Variants in PARD3B observed in about 807,000 individuals in gnomAD.
PARD3B encodes the protein partitioning defective 3 homolog B.
Under a neutral mutation model 130.2 loss-of-function variants are expected in PARD3B, and 103 were observed. The observed-to-expected ratio is 0.79, with a 90% CI of 0.67 to 0.93. The LOEUF is 0.93. Among genes scored for constraint, PARD3B ranks in the 40% least tolerant of loss-of-function variants. The pLI, the probability that PARD3B is intolerant of heterozygous loss-of-function variation, is 0.00. For missense variants in PARD3B, 1,609 were observed against 1,499.2 expected (o/e 1.07, Z -1.21); for synonymous variants, 583 against 553.2 (o/e 1.05, Z -0.76).
intron 18 of PARD3B, among the ~76,000 whole-genome samples, chr2:205,357,660 G>GA (rs56313624): frequency 0.6 from 91,556 of 151,618 alleles, 30,831 homozygotes; most frequent in South Asian, 0.77. Flanking sequence ...AGTTTCATGA[G>GA]AAAAAAAATA....
chr2:205,474,218 T>G (rs1422478847), intron 20 of PARD3B, among the ~76,000 whole-genome samples: 1 of 152,066 alleles, frequency 6.6e-6, no homozygotes, highest in Middle Eastern at 3.2e-3. Context: ...CTCTGAGTAT[T>G]CTATATTAAA....
At chr2:204,936,125 C>T (rs1349475968) in intron 2 of PARD3B, among the ~76,000 whole-genome samples, 2 of 152,210 alleles carry the variant, frequency 1.3e-5, no homozygotes, top group East Asian at 3.9e-4. Context: ...GGCTGTTCAG[C>T]CTGAAATCCC....
intron 3 of PARD3B, among the ~76,000 whole-genome samples, chr2:205,005,977 A>T (rs1459186080): frequency 6.6e-6 from 1 of 152,104 alleles, no homozygotes; most frequent in Admixed American, 6.5e-5. Context: ...ACTTCCCCGC[A>T]CTGAGTCCCC....
rs116434584 is a variant in PARD3B at position 205,133,123 on chromosome 2, C to T, written c.1434+7386C>T. Among the ~76,000 whole-genome samples the T allele has an allele frequency of 8.0e-3, 1,223 of 152,162 alleles. 22 individuals carry two copies. Among genetic ancestry groups the T allele is most frequent in the African/African-American group, 0.027 (1,138 of 41,510 alleles). ...AATAGCGATTTCTGATTTACAGCTG[C>T]GTGCCACAATGAGGGTTAGGATAGT... On this transcript the variant is annotated intron_variant, in intron 10 of 22. Coordinates refer to ENST00000406610, the MANE Select transcript of PARD3B (RefSeq NM_001302769.2).
Position 205,236,945 on chromosome 2 carries a change from TA to T in PARD3B, c.2141-8830del, listed in dbSNP as rs142020057. On this transcript the variant is annotated intron_variant, in intron 15 of 22. Transcript: ENST00000406610. Reference sequence around the variant, plus strand: ...CGTATAAAGAAGTGCAAGAGAATTATAAAGTACAACATTCAGGATTGTGGTT... The same window carrying T: ...CGTATAAAGAAGTGCAAGAGAATTATAAGTACAACATTCAGGATTGTGGTT... 3.1e-3 allele frequency among the ~76,000 whole-genome samples: 467 copies of T among 152,300 alleles called. 4 individuals carry two copies. Among genetic ancestry groups the T allele is most frequent in the African/African-American group, 0.011 (444 of 41,564 alleles).
chr2:204,616,184 T>C (rs534967775), intron 1 of PARD3B, among the ~76,000 whole-genome samples: 1 of 152,288 alleles, frequency 6.6e-6, no homozygotes, highest in Admixed American at 6.5e-5. Context: ...AATGAGATGA[T>C]AAGCCAAAGA....
chr2:205,166,765 G>A (rs973680101), intron 11 of PARD3B, among the ~76,000 whole-genome samples: 13 of 152,148 alleles, frequency 8.5e-5, no homozygotes, highest in Non-Finnish European at 1.3e-4. Flanking sequence ...CCTGAATCAG[G>A]TGCCATCTTG....
chr2:205,138,882 A>C (rs537987410), intron 10 of PARD3B, among the ~76,000 whole-genome samples: 43 of 152,316 alleles, frequency 2.8e-4, no homozygotes, highest in African/African-American at 1.0e-3. Flanking sequence ...GACCCCTGCC[A>C]TGGCAACGCT....
chr2:205,341,110 C>G lies in PARD3B; in HGVS notation c.2630+39409C>G, dbSNP rs1486482206. Among the ~76,000 whole-genome samples, 1 of 151,782 alleles carries G rather than the reference C, an allele frequency of 6.6e-6. No individual in the cohort carries two copies. Among genetic ancestry groups the G allele is most frequent in the Non-Finnish European group, 1.5e-5 (1 of 67,874 alleles). On this transcript the variant is annotated intron_variant, in intron 18 of 22. Transcript: ENST00000406610. The surrounding 1 kb of genome is among the most constrained non-coding windows in gnomAD (Gnocchi z 4.3). ...ATAAAAAATAAAAAAATAAAAAATGCTAAAGAAAAGGGAACTCTTAGACAC... is the reference window on the plus strand; with the variant it reads ...ATAAAAAATAAAAAAATAAAAAATGGTAAAGAAAAGGGAACTCTTAGACAC...
At chr2:205,505,249 G>C (rs975870292) in intron 21 of PARD3B, among the ~76,000 whole-genome samples, 3 of 151,996 alleles carry the variant, frequency 2.0e-5, no homozygotes, top group African/African-American at 7.3e-5. Context: ...GTGGGGTGGG[G>C]GGAGTGGGGA....
chr2:205,202,494 C>G (rs1385185163), intron 15 of PARD3B, among the ~76,000 whole-genome samples: 1 of 152,116 alleles, frequency 6.6e-6, no homozygotes, highest in Non-Finnish European at 1.5e-5. Context: ...AGGAATTGTA[C>G]TTTTATAATG....
chr2:205,593,010 T>G (rs773748680), intron 22 of PARD3B, among the ~76,000 whole-genome samples: 7 of 152,202 alleles, frequency 4.6e-5, no homozygotes, highest in Non-Finnish European at 1.0e-4. Flanking sequence ...TTTATATACT[T>G]TATATTTGGG....
chr2:205,119,052 C>T lies in PARD3B; in HGVS notation c.806+6C>T, dbSNP rs1251803273. 2.5e-6 allele frequency: 4 copies of T among 1,593,606 alleles called. No individual in the cohort carries two copies. The highest frequency in any genetic ancestry group is 1.4e-5 in the African/African-American group (1 of 73,500). On this transcript the variant is annotated splice_donor_region_variant and intron_variant, in intron 7 of 22. Transcript: ENST00000406610. ...GTAGACAAAACCTTTGCTCAGTAAGCATTTTTTCATTGTTTTATTTACTTT... is the reference window on the plus strand; with the variant it reads ...GTAGACAAAACCTTTGCTCAGTAAGTATTTTTTCATTGTTTTATTTACTTT...
intron 19 of PARD3B, among the ~76,000 whole-genome samples, chr2:205,430,910 T>C (rs2047310416): frequency 6.6e-6 from 1 of 152,190 alleles, no homozygotes; most frequent in Admixed American, 6.5e-5. Flanking sequence ...TATGGAGTAT[T>C]AGATGATACC....
At chr2:204,896,558 A>G (rs2046648177) in intron 2 of PARD3B, among the ~76,000 whole-genome samples, 1 of 152,200 alleles carries the variant, frequency 6.6e-6, no homozygotes, top group South Asian at 2.1e-4. Context: ...TGAGAGGACA[A>G]ATTGAAAAGG....
intron 2 of PARD3B, among the ~76,000 whole-genome samples, chr2:204,817,055 T>C (rs78459592): frequency 1.4e-4 from 21 of 152,270 alleles, no homozygotes; most frequent in Non-Finnish European, 2.5e-4. Flanking sequence ...TTGTAGTTTT[T>C]ATCTCTAGAA....
At chr2:205,285,043 CT>C (rs1325095006) in intron 16 of PARD3B, among the ~76,000 whole-genome samples, 4 of 129,676 alleles carry the variant, frequency 3.1e-5, no homozygotes, top group African/African-American at 5.8e-5. Flanking sequence ...GTGTTCCTTT[CT>C]TTTTTTGATA....
chr2:205,064,470 A>G (rs1401181567), intron 4 of PARD3B, among the ~76,000 whole-genome samples: 1 of 152,136 alleles, frequency 6.6e-6, no homozygotes, highest in Admixed American at 6.6e-5. Flanking sequence ...AGCTTTAGGG[A>G]AAAAAAGTCT....
intron 3 of PARD3B, among the ~76,000 whole-genome samples, chr2:205,045,327 C>T (rs938158322): frequency 2.0e-5 from 3 of 151,522 alleles, no homozygotes; most frequent in African/African-American, 7.3e-5. Flanking sequence ...GGGCTCACTG[C>T]AACCTCCGCC....
Sources: gnomAD v4.1 joint callset for allele counts (sites outside exome capture counted in the v4.1 genomes callset) on GRCh38, gnomAD v4.1.1 for gene constraint, Gnocchi (gnomAD v3.1) non-coding constraint, MANE v1.5 for transcripts, NCBI Gene and HGNC (gene_info 2026-07-23, HGNC 2026-07-21) for gene names.